Variants in RTP5 observed in about 807,000 individuals in gnomAD.
RTP5 encodes the protein receptor transporter protein 5 (putative).
In RTP5, 30 loss-of-function variants were observed where a neutral mutation model predicts 23.5. The ratio of observed to expected loss-of-function variants is 1.27; its 90% CI spans 0.95 to 1.73. RTP5 has a LOEUF of 1.73. Ranked by LOEUF, RTP5 falls within the 40% of genes most tolerant of loss-of-function variation. RTP5 has a pLI of 0.00. For missense variants in RTP5, 807 were observed against 784.2 expected, an observed-to-expected ratio of 1.03 and a Z score of -0.35; for synonymous variants, 354 against 342.1, an observed-to-expected ratio of 1.03 and a Z score of -0.38.
In RTP5 at chr2:241,871,753, C is replaced by G. The variant is rs369277961; in HGVS notation, c.198C>G (p.Ala66=). The G allele has an allele frequency of 3.0e-5, 48 of 1,602,196 alleles. 1 individual carries two copies. The African/African-American group carries it at 5.2e-4, about 17-fold the overall frequency. Residue 66 remains alanine (A), a synonymous_variant, in exon 2 of 2, where the codon GCC becomes GCG. Transcript: ENST00000343216. ...CGHCPGTWDS[A]HVHVLFHLWW... is the part of the protein sequence containing the mutation. ...ACTGTCCGGGGACCTGGGACTCGGC[C>G]CATGTGCACGTCCTCTTCCACCTGT... is the stretch of plus-strand genomic sequence containing the variant.
At position 241,873,090 on chromosome 2, in the gene RTP5, C is replaced by A. The variant is rs765588756; in HGVS notation, c.1535C>A (p.Ser512Tyr). ...QGYYQKRQLR[S>Y]RFHKARCGCR... ...TATTACCAGAAGAGGCAGCTGAGGT[C>A]CAGGTTCCACAAGGCCCGCTGTGGG... is the stretch of plus-strand genomic sequence containing the variant. Residue 512 changes from serine to tyrosine, a missense_variant, in exon 2 of 2, where the codon TCC becomes TAC. By Grantham distance (144) the Ser-to-Tyr change is moderately radical (BLOSUM62 -2). Coordinates refer to ENST00000343216, the MANE Select transcript of RTP5 (RefSeq NM_173821.3). The A allele has an allele frequency of 2.5e-6, 4 of 1,612,860 alleles. No individual in the cohort carries two copies. Among genetic ancestry groups the A allele is most frequent in the Non-Finnish European group, 2.5e-6 (3 of 1,179,962 alleles).
chr2:241,870,031 A>C, intron 1 of RTP5, 117 bp downstream of exon 1: 51 of 801,720 alleles, frequency 6.4e-5, no homozygotes, highest in Middle Eastern at 3.7e-4. Flanking sequence ...TGTCCCCGAG[A>C]CGGGAGGGTG....
Position 241,872,013 on chromosome 2 carries a change from T to C in RTP5, c.458T>C (p.Phe153Ser), listed in dbSNP as rs1326452927. ...GAGGCCTGTGAGCTGGGGGTCTGCT[T>C]CCTCCAGAAGGCCCCAGACCCCGCC... ...CCEACELGVC[F>S]LQKAPDPAWS... Residue 153 changes from phenylalanine (F) to serine (S), a missense_variant, in exon 2 of 2, where the codon TTC becomes TCC. Transcript: ENST00000343216. 1 of 1,575,366 alleles carries C rather than the reference T, an allele frequency of 6.3e-7. No individual in the cohort carries two copies. Among genetic ancestry groups the C allele is most frequent in the Non-Finnish European group, 8.6e-7 (1 of 1,157,674 alleles).
At chr2:241,871,081 TC>T in intron 1 of RTP5, 1 of 470,496 alleles carries the variant, frequency 2.1e-6, no homozygotes. Context: ...CCCAGTGCTC[TC>T]CCCAAACCTC....
chr2:241,873,701 C>T lies in RTP5; in HGVS notation c.*427C>T. The T allele has an allele frequency of 4.7e-6, 1 of 213,294 alleles. No homozygotes were observed. Among genetic ancestry groups the T allele is most frequent in the South Asian group, 7.2e-5 (1 of 13,878 alleles). The allele number at this position is 213,294 out of a possible 1,614,324, so 13.2% of individuals were successfully genotyped here. ...ACCCCGCCTCACCTCTGAGACCCCG[C>T]CCCCGCCAGCAGCTCAGCCCCTCCT... On this transcript the variant is annotated 3_prime_UTR_variant, in exon 2 of 2. Coordinates refer to ENST00000343216, the MANE Select transcript of RTP5 (RefSeq NM_173821.3).
At position 241,869,736 on chromosome 2, in the gene RTP5, A is replaced by G. The variant is rs756826086; in HGVS notation, c.-21A>G. 7.2e-5 allele frequency: 107 copies of G among 1,490,306 alleles called. No individual in the cohort carries two copies. Among genetic ancestry groups the G allele is most frequent in the Non-Finnish European group, 8.7e-5 (98 of 1,123,736 alleles). The allele number at this position is 1,490,306 out of a possible 1,614,324, so 92.3% of individuals were successfully genotyped here. A position where few individuals can be genotyped will look rare whatever the true frequency, so the allele number is the denominator to read the frequency against. On this transcript the variant is annotated 5_prime_UTR_variant, in exon 1 of 2. Coordinates refer to ENST00000343216, the MANE Select transcript of RTP5 (RefSeq NM_173821.3). ...CCGGCGGGCGCAGCCCTCAGCCCAC[A>G]CTGCGGAGCCAGGCGGCAGCATGGA... is the stretch of plus-strand genomic sequence containing the variant.
chr2:241,869,870 C>T lies in RTP5; in HGVS notation c.114C>T (p.Cys38=). ...CTGAGCACAGCCTGGTCCCGGGATG[C>T]CTGGACGGCGGTGGTGTCCAGTACC... The part of the protein sequence containing the change: ...LLPEHSLVPG[C]LDGGGVQYLL... The change falls in exon 1 of 2, where the codon TGC becomes TGT. Residue 38 remains cysteine, a synonymous_variant. Coordinates refer to ENST00000343216, the MANE Select transcript of RTP5 (RefSeq NM_173821.3). 2 of 1,586,510 alleles carry T rather than the reference C, an allele frequency of 1.3e-6. No individual in the cohort carries two copies. The highest frequency in any genetic ancestry group is 8.6e-7 in the Non-Finnish European group (1 of 1,168,490).
At position 241,872,520 on chromosome 2, in the gene RTP5, CGCCAACCGT is replaced by C. The variant is rs1559458416; in HGVS notation, c.967_975del (p.Pro323_Val325del). 1.9e-6 allele frequency: 3 copies of C among 1,584,692 alleles called. No individual in the cohort carries two copies. The highest frequency in any genetic ancestry group is 2.3e-5 in the South Asian group (2 of 87,722). ...GGCCTCGTCCCTGTGGGGAAACACACGCCAACCGTGTTCTACTGTGTGGGCCTCTCGGCC... is the reference window on the plus strand; with the variant it reads ...GGCCTCGTCCCTGTGGGGAAACACACGTTCTACTGTGTGGGCCTCTCGGCC... On this transcript the variant is annotated inframe_deletion, in exon 2 of 2. Coordinates refer to ENST00000343216, the MANE Select transcript of RTP5 (RefSeq NM_173821.3).
chr2:241,872,934 A>G lies in RTP5; in HGVS notation c.1379A>G (p.Asn460Ser). 1.2e-6 allele frequency: 2 copies of G among 1,613,028 alleles called. No homozygotes were observed. The highest frequency in any genetic ancestry group is 1.7e-6 in the Non-Finnish European group (2 of 1,179,992). The change falls in exon 2 of 2, where the codon AAT (asparagine) becomes AGT (serine). Residue 460 changes from asparagine (N) to serine (S), a missense_variant. By Grantham distance (46) the Asn-to-Ser change is conservative. Transcript: ENST00000343216. ...GGTCACGACGCCCCTCTGGAGGCCAATGCCGAGGGCCCCATCACGGTTAGT... is the reference window on the plus strand; with the variant it reads ...GGTCACGACGCCCCTCTGGAGGCCAGTGCCGAGGGCCCCATCACGGTTAGT... ...TAGHDAPLEA[N>S]AEGPITVSEG...
chr2:241,869,941 G>A (rs1440203235), intron 1 of RTP5, 27 bp downstream of exon 1: 1 of 1,466,990 alleles, frequency 6.8e-7, no homozygotes, highest in Non-Finnish European at 9.0e-7. Context: ...GGGACCCTGG[G>A]AGAGGCAGGG....
chr2:241,873,293 A>G lies in RTP5; in HGVS notation c.*19A>G. On this transcript the variant is annotated 3_prime_UTR_variant, in exon 2 of 2. Coordinates refer to ENST00000343216, the MANE Select transcript of RTP5 (RefSeq NM_173821.3). ...AGTGTGACGCCCCGAAGTTCAGGCA[A>G]CCCTCGCCTCTGGGACCCCGCCTCG... is the stretch of plus-strand genomic sequence containing the variant. 1.3e-6 allele frequency: 2 copies of G among 1,551,220 alleles called. No homozygotes were observed. The highest frequency in any genetic ancestry group is 1.7e-6 in the Non-Finnish European group (2 of 1,151,268).
At position 241,873,210 on chromosome 2, in the gene RTP5, T is replaced by C. The variant is rs574537710; in HGVS notation, c.1655T>C (p.Val552Ala). The change falls in exon 2 of 2, where the codon GTG becomes GCG. Residue 552 changes from valine to alanine, a missense_variant. By Grantham distance (64) the Val-to-Ala change is moderately conservative. Coordinates refer to ENST00000343216, the MANE Select transcript of RTP5 (RefSeq NM_173821.3). ...TTCTGGATCTGGGTGTCCATGACCG[T>C]GTGCGTCTTCTGGCTGATGTGCATG... ...EDFWIWVSMT[V>A]CVFWLMCMCR... The C allele has an allele frequency of 1.5e-5, 24 of 1,607,210 alleles. No homozygotes were observed. In the African/African-American group the frequency reaches 3.1e-4, roughly 21 times the overall value.
At chr2:241,871,457 G>A (rs1316492681) in intron 1 of RTP5, among the ~76,000 whole-genome samples, 1 of 152,256 alleles carries the variant, frequency 6.6e-6, no homozygotes, top group African/African-American at 2.4e-5. Flanking sequence ...TAGTGCGCAT[G>A]GGCCTGCTTT....
intron 1 of RTP5, 123 bp downstream of exon 1, chr2:241,870,037 G>T: frequency 1.0e-6 from 1 of 968,434 alleles, no homozygotes; most frequent in South Asian, 2.3e-5. Context: ...CGAGACGGGA[G>T]GGTGGGGCTG....
chr2:241,872,454 T>C lies in RTP5; in HGVS notation c.899T>C (p.Val300Ala), dbSNP rs201090760. ...FKGRGSLCSP[V>A]GVAQGWGPIS... Reference sequence around the variant, plus strand: ...GGCCGGGGCTCCCTCTGCAGCCCGGTTGGCGTGGCCCAGGGCTGGGGCCCC... The same window carrying C: ...GGCCGGGGCTCCCTCTGCAGCCCGGCTGGCGTGGCCCAGGGCTGGGGCCCC... Residue 300 changes from valine (V) to alanine (A), a missense_variant, in exon 2 of 2, where the codon GTT (valine) becomes GCT (alanine). Transcript: ENST00000343216. The C allele has an allele frequency of 8.0e-4, 1,277 of 1,604,332 alleles. 8 individuals carry two copies. In the Middle Eastern group the frequency reaches 8.8e-3, roughly 11 times the overall value.
In RTP5 at chr2:241,873,300, CCT is replaced by C; in HGVS notation, c.*29_*30del. The C allele has an allele frequency of 6.5e-7, 1 of 1,547,046 alleles. No individual in the cohort carries two copies. Among genetic ancestry groups the C allele is most frequent in the South Asian group, 1.2e-5 (1 of 83,182 alleles). On this transcript the variant is annotated 3_prime_UTR_variant, in exon 2 of 2. Transcript: ENST00000343216. ...CGCCCCGAAGTTCAGGCAACCCTCG[CCT>C]CTGGGACCCCGCCTCGCCTCTGAGA...
At chr2:241,871,689 A>T (rs1298506285) in intron 1 of RTP5, 25 bp from the exon 2 acceptor site, 1 of 1,571,386 alleles carries the variant, frequency 6.4e-7, no homozygotes, top group East Asian at 2.3e-5. Context: ...TCCTGCACTC[A>T]CACACACTTC....
At chr2:241,870,402 G>A (rs996433440) in intron 1 of RTP5, among the ~76,000 whole-genome samples, 3 of 152,260 alleles carry the variant, frequency 2.0e-5, no homozygotes, top group East Asian at 3.8e-4. Context: ...TGCCGTCAGC[G>A]CAGCAGGGCG....
Position 241,871,900 on chromosome 2 carries a change from C to G in RTP5, c.345C>G (p.Ser115Arg), listed in dbSNP as rs369899603. Residue 115 changes from serine (S) to arginine (R), a missense_variant, in exon 2 of 2, where the codon AGC (serine) becomes AGG (arginine). Physicochemically the swap from Ser to Arg is moderately radical, Grantham distance 110. Transcript: ENST00000343216. ...CCCCGGGCGAGCAGCCCTTCCTCAG[C>G]AGGCTGGTCTTGCACATCCTGCAGG... ...VRPPGEQPFL[S>R]RLVLHILQDC... 19 of 1,567,050 alleles carry G rather than the reference C, an allele frequency of 1.2e-5. No homozygotes were observed. The highest frequency in any genetic ancestry group is 1.6e-5 in the Non-Finnish European group (18 of 1,154,932).
Sources: gnomAD v4.1 joint callset for allele counts (sites outside exome capture counted in the v4.1 genomes callset) on GRCh38, gnomAD v4.1.1 for gene constraint, MANE v1.5 for transcripts, NCBI Gene and HGNC (gene_info 2026-07-23, HGNC 2026-07-21) for gene names.